ADGRL3: variants seen among roughly 807,000 people sequenced by gnomAD.
ADGRL3 encodes the protein adhesion G protein-coupled receptor L3.
In ADGRL3, 62 loss-of-function variants were observed where a neutral mutation model predicts 153.5. The observed-to-expected ratio is 0.40, with a 90% CI of 0.33 to 0.50. The LOEUF is 0.50. Among genes scored for constraint, ADGRL3 ranks in the 20% least tolerant of loss-of-function variants. The pLI, the probability that ADGRL3 is intolerant of heterozygous loss-of-function variation, is 0.47. For missense variants in ADGRL3, 1,641 were observed against 1,859.4 expected (o/e 0.88, Z 2.16); for synonymous variants, 710 against 672.5 (o/e 1.06, Z -0.86).
At chr4:61,660,640 G>C (rs2094567718) in intron 5 of ADGRL3, among the ~76,000 whole-genome samples, 1 of 152,054 alleles carries the variant, frequency 6.6e-6, no homozygotes, top group Non-Finnish European at 1.5e-5. Context: ...CTAAGCTGTT[G>C]ATGAATAAAG....
intron 5 of ADGRL3, among the ~76,000 whole-genome samples, chr4:61,618,107 T>C (rs184539248): frequency 3.5e-4 from 54 of 152,272 alleles, no homozygotes; most frequent in African/African-American, 1.3e-3. Context: ...TGGGGTTATA[T>C]TGGGATCCAG....
At chr4:61,716,156 G>A (rs768209795) in intron 6 of ADGRL3, among the ~76,000 whole-genome samples, 3 of 151,984 alleles carry the variant, frequency 2.0e-5, no homozygotes, top group Non-Finnish European at 4.4e-5. Flanking sequence ...CATCAAGTTA[G>A]CATCATAAAA....
Position 61,432,588 on chromosome 4 carries a change from T to C in ADGRL3, c.-174+49399T>C, listed in dbSNP as rs1397520654. 8.3e-4 allele frequency among the ~76,000 whole-genome samples: 6 copies of C among 7,238 alleles called. 1 individual carries two copies. The highest frequency in any genetic ancestry group is 2.2e-3 in the Admixed American group (1 of 450). The allele number at this position is 7,238 out of a possible 152,430, so 4.7% of individuals were successfully genotyped here. A position where few individuals can be genotyped will look rare whatever the true frequency, so the allele number is the denominator to read the frequency against. The stretch of plus-strand genomic sequence containing the variant: ...TCTTTCTCTTCCTTTCTTTCTTTCT[T>C]TCTTTCTTTCTTTCTTTCTTTCTTT... On this transcript the variant is annotated intron_variant, in intron 2 of 26. Coordinates refer to ENST00000683033, the MANE Select transcript of ADGRL3 (RefSeq NM_001387552.1).
chr4:61,887,557 G>T (rs2098546626), intron 9 of ADGRL3, among the ~76,000 whole-genome samples: 1 of 151,990 alleles, frequency 6.6e-6, no homozygotes, highest in East Asian at 1.9e-4. Flanking sequence ...TTAAAATATT[G>T]CAAAACGGGC....
At chr4:61,756,707 A>T (rs750815683) in intron 8 of ADGRL3, among the ~76,000 whole-genome samples, 3 of 152,292 alleles carry the variant, frequency 2.0e-5, no homozygotes, top group Non-Finnish European at 2.9e-5. Flanking sequence ...CGGTTTCCAA[A>T]GGGAATGCTT....
At chr4:61,623,796 T>C (rs754798962) in intron 5 of ADGRL3, among the ~76,000 whole-genome samples, 4 of 152,134 alleles carry the variant, frequency 2.6e-5, no homozygotes, top group East Asian at 1.9e-4. Context: ...GCTAACCGTG[T>C]TACATAAGAG....
At chr4:61,726,154 A>T (rs28635431) in intron 6 of ADGRL3, among the ~76,000 whole-genome samples, 2,046 of 149,220 alleles carry the variant, frequency 0.014, 49 homozygotes, top group African/African-American at 0.046. Context: ...AAATCTGAAA[A>T]TTTTTTAGTG....
chr4:61,299,696 T>G (rs1434364473), intron 1 of ADGRL3, among the ~76,000 whole-genome samples: 1 of 152,204 alleles, frequency 6.6e-6, no homozygotes, highest in Non-Finnish European at 1.5e-5. Context: ...AGAACTGCTT[T>G]CTTTTACTTT....
intron 1 of ADGRL3, among the ~76,000 whole-genome samples, chr4:61,224,007 A>G (rs934524240): frequency 1.3e-5 from 2 of 152,110 alleles, no homozygotes; most frequent in African/African-American, 2.4e-5. Flanking sequence ...GTAAATTAGA[A>G]ATTTTTTGAA....
intron 9 of ADGRL3, among the ~76,000 whole-genome samples, chr4:61,863,480 G>A (rs865801072): frequency 9.0e-4 from 136 of 151,632 alleles, no homozygotes; most frequent in South Asian, 2.5e-3. Context: ...CTCGTGATCC[G>A]CCCGCCTCGG....
chr4:61,443,399 A>T (rs2097547742), intron 2 of ADGRL3, among the ~76,000 whole-genome samples: 1 of 152,136 alleles, frequency 6.6e-6, no homozygotes, highest in Non-Finnish European at 1.5e-5. Context: ...ATTAACAATG[A>T]TATTTATTAT....
intron 25 of ADGRL3, among the ~76,000 whole-genome samples, chr4:62,055,633 AT>A (rs1320201787): frequency 6.6e-6 from 1 of 151,808 alleles, no homozygotes; most frequent in Non-Finnish European, 1.5e-5. Flanking sequence ...TTTAAAACTT[AT>A]GTAACTTTGA....
At chr4:61,829,371 C>A (rs2097845769) in intron 9 of ADGRL3, among the ~76,000 whole-genome samples, 1 of 152,090 alleles carries the variant, frequency 6.6e-6, no homozygotes, top group South Asian at 2.1e-4. Context: ...TGGACTTAAT[C>A]TGATATCCTT....
chr4:61,410,530 T>C (rs565652903), intron 2 of ADGRL3, among the ~76,000 whole-genome samples: 1 of 152,280 alleles, frequency 6.6e-6, no homozygotes, highest in South Asian at 2.1e-4. Flanking sequence ...TTGTGTAATC[T>C]ATGAACAAGT....
chr4:61,713,754 T>G (rs1053217061), intron 6 of ADGRL3, among the ~76,000 whole-genome samples: 1 of 152,166 alleles, frequency 6.6e-6, no homozygotes, highest in Middle Eastern at 3.2e-3. Flanking sequence ...TTTTATTTAA[T>G]AATTTCTTAC....
At chr4:61,997,077 T>C (rs981326453) in intron 20 of ADGRL3, among the ~76,000 whole-genome samples, 2 of 152,066 alleles carry the variant, frequency 1.3e-5, no homozygotes, top group African/African-American at 4.8e-5. Context: ...ACAAGATGTA[T>C]TTTGGAATCA....
chr4:61,548,431 T>C lies in ADGRL3; in HGVS notation c.259+30913T>C, dbSNP rs187201193. Among the ~76,000 whole-genome samples, 220 of 152,244 alleles carry C rather than the reference T, an allele frequency of 1.4e-3. 2 individuals are homozygous for C. In the East Asian group the frequency reaches 0.029, roughly 20 times the overall value. ...AGTTTTAGGTTTTACATTTGAGCCTTTAATCCATCTTTAGTTGATTTTTGC... is the reference window on the plus strand; with the variant it reads ...AGTTTTAGGTTTTACATTTGAGCCTCTAATCCATCTTTAGTTGATTTTTGC... On this transcript the variant is annotated intron_variant, in intron 4 of 26. Transcript: ENST00000683033.
chr4:61,336,147 C>T (rs924132669), intron 1 of ADGRL3, among the ~76,000 whole-genome samples: 1 of 152,158 alleles, frequency 6.6e-6, no homozygotes, highest in Non-Finnish European at 1.5e-5. Flanking sequence ...ACTGAAATTG[C>T]TTTAAAAATA....
chr4:61,800,068 C>A (rs1259667733), intron 8 of ADGRL3, among the ~76,000 whole-genome samples: 1 of 152,104 alleles, frequency 6.6e-6, no homozygotes, highest in South Asian at 2.1e-4. Flanking sequence ...TACCATTGAA[C>A]CTCTTGTGTA....
Sources: gnomAD v4.1 joint callset for allele counts (sites outside exome capture counted in the v4.1 genomes callset) on GRCh38, gnomAD v4.1.1 for gene constraint, MANE v1.5 for transcripts, NCBI Gene and HGNC (gene_info 2026-07-23, HGNC 2026-07-21) for gene names.